Variants in RP1 observed in about 807,000 individuals in gnomAD.
The protein encoded by RP1 is oxygen-regulated protein 1.
A neutral mutation model predicts 14.8 loss-of-function variants in RP1; 16 were observed. The observed-to-expected ratio is 1.08, with a 90% confidence interval of 0.73 to 1.65. The LOEUF (loss-of-function observed/expected upper bound fraction) is 1.65, where lower values mean the gene tolerates loss of function less well. Ranked by LOEUF, RP1 falls within the 40% of genes most tolerant of loss-of-function variation. The pLI, the probability that RP1 is intolerant of heterozygous loss-of-function variation, is 0.00. For synonymous variants in RP1, 876 were observed against 883.6 expected, an observed-to-expected ratio of 0.99 and a Z score of 0.15; for missense variants, 2,631 against 2,535.0, an observed-to-expected ratio of 1.04 and a Z score of -0.81.
At chr8:54,710,584 AAGAATG>A (rs1434762654) in intron 15 of RP1, among the ~76,000 whole-genome samples, 3 of 152,328 alleles carry the variant, frequency 2.0e-5, no homozygotes, top group Middle Eastern at 6.8e-3. Flanking sequence ...ACCACCCAAG[AAGAATG>A]AGGTCACATG....
chr8:54,852,141 A>G (rs1812072822), intron 25 of RP1, among the ~76,000 whole-genome samples: 1 of 152,100 alleles, frequency 6.6e-6, no homozygotes, highest in South Asian at 2.1e-4. Context: ...CAAGAGGGCT[A>G]TTAAAAATCT....
At chr8:54,686,906 G>A (rs1807576786) in intron 12 of RP1, among the ~76,000 whole-genome samples, 2 of 152,048 alleles carry the variant, frequency 1.3e-5, no homozygotes, top group South Asian at 4.1e-4. Context: ...CTACTAAAAT[G>A]TTTTTAAATA....
At chr8:54,574,493 G>A (rs1273061397) in intron 1 of RP1, among the ~76,000 whole-genome samples, 1 of 151,974 alleles carries the variant, frequency 6.6e-6, no homozygotes, top group East Asian at 1.9e-4. Context: ...CCGAGCAGAG[G>A]GAATAATAAG....
intron 19 of RP1, among the ~76,000 whole-genome samples, chr8:54,740,990 T>G (rs1234616177): frequency 2.6e-5 from 4 of 151,116 alleles, no homozygotes; most frequent in Non-Finnish European, 1.5e-5. Flanking sequence ...GAGCTGAGAT[T>G]GCACCATTGC....
intron 24 of RP1, among the ~76,000 whole-genome samples, chr8:54,829,604 C>T (rs1468756525): frequency 6.6e-6 from 1 of 152,062 alleles, no homozygotes; most frequent in African/African-American, 2.4e-5. Context: ...TAAGGAGGCT[C>T]TCTGGATGTT....
intron 3 of RP1, among the ~76,000 whole-genome samples, chr8:54,639,403 A>T (rs901849247): frequency 6.6e-6 from 1 of 152,168 alleles, no homozygotes; most frequent in African/African-American, 2.4e-5. Flanking sequence ...TTCTTGCAGG[A>T]CATACTTTTT....
At chr8:54,700,252 G>A (rs1029146151) in intron 13 of RP1, among the ~76,000 whole-genome samples, 1 of 151,224 alleles carries the variant, frequency 6.6e-6, no homozygotes, top group Non-Finnish European at 1.5e-5. Flanking sequence ...CTGTTACCCA[G>A]GCTAGAGGGC....
At chr8:54,740,453 G>A (rs1233153511) in intron 19 of RP1, among the ~76,000 whole-genome samples, 1 of 150,394 alleles carries the variant, frequency 6.6e-6, no homozygotes, top group Non-Finnish European at 1.5e-5. Flanking sequence ...GCCAGGCGCA[G>A]TGGCTCACAC....
chr8:54,665,102 T>C (rs1806988860), intron 7 of RP1, among the ~76,000 whole-genome samples: 1 of 152,228 alleles, frequency 6.6e-6, no homozygotes, highest in South Asian at 2.1e-4. Context: ...GTTGAAATTC[T>C]CACTTGGTTC....
intron 27 of RP1, among the ~76,000 whole-genome samples, chr8:54,861,040 C>T (rs1207140724): frequency 2.0e-5 from 3 of 152,200 alleles, no homozygotes; most frequent in Non-Finnish European, 4.4e-5. Context: ...ATTACTATAA[C>T]ATGATTTTAA....
chr8:54,627,850 A>G lies in RP1; in HGVS notation c.3968A>G (p.Tyr1323Cys), dbSNP rs754606635. Residue 1323 changes from tyrosine to cysteine, a missense_variant, in exon 4 of 4, where the codon TAT becomes TGT. By Grantham distance (194) the Tyr-to-Cys change is radical (BLOSUM62 -2). Transcript: ENST00000220676. ...KACAQKENHTYEGACPIDETY... is the reference protein window; with the variant it reads ...KACAQKENHTCEGACPIDETY... ...TGTGCTCAAAAGGAGAACCATACCT[A>G]TGAGGGAGCTTGCCCAATTGATGAG... 6.8e-6 allele frequency: 11 copies of G among 1,614,168 alleles called. No individual in the cohort carries two copies. Among genetic ancestry groups the G allele is most frequent in the Non-Finnish European group, 8.5e-6 (10 of 1,179,988 alleles).
At chr8:54,674,029 T>C in intron 8 of RP1, 1 of 862,938 alleles carries the variant, frequency 1.2e-6, no homozygotes, top group Non-Finnish European at 1.8e-6. Context: ...TGGTAGAAAA[T>C]GGATCTCTAT....
At chr8:54,589,341 G>C (rs575247071) in intron 1 of RP1, among the ~76,000 whole-genome samples, 1 of 152,266 alleles carries the variant, frequency 6.6e-6, no homozygotes, top group Non-Finnish European at 1.5e-5. Flanking sequence ...GGGGGAGAGG[G>C]TAAAGCAAGG....
chr8:54,811,340 C>A (rs1386703474), intron 24 of RP1, among the ~76,000 whole-genome samples: 2 of 152,198 alleles, frequency 1.3e-5, no homozygotes, highest in African/African-American at 4.8e-5. Flanking sequence ...CCACCTTTAG[C>A]AAATTATCAA....
chr8:54,703,683 T>G (rs1374583940), intron 14 of RP1, among the ~76,000 whole-genome samples: 1 of 152,226 alleles, frequency 6.6e-6, no homozygotes, highest in Non-Finnish European at 1.5e-5. Flanking sequence ...TCTCTAGCTA[T>G]GAAAGTCATG....
At chr8:54,637,144 TA>T (rs1806365072) in intron 3 of RP1, among the ~76,000 whole-genome samples, 1 of 152,170 alleles carries the variant, frequency 6.6e-6, no homozygotes, top group Non-Finnish European at 1.5e-5. Flanking sequence ...GGTATCCTGC[TA>T]GGAACTTGTG....
At chr8:54,663,346 A>G (rs538617473) in intron 6 of RP1, among the ~76,000 whole-genome samples, 2 of 152,298 alleles carry the variant, frequency 1.3e-5, no homozygotes, top group African/African-American at 4.8e-5. Context: ...TGAAAAGGTG[A>G]AAGTTATTGA....
At chr8:54,680,974 CA>C (rs1378307903) in intron 12 of RP1, among the ~76,000 whole-genome samples, 3 of 144,840 alleles carry the variant, frequency 2.1e-5, no homozygotes, top group South Asian at 4.5e-4. Context: ...AAAAAAAAAA[CA>C]AAAAAGAAAA....
chr8:54,651,599 C>T (rs763205512), intron 4 of RP1, among the ~76,000 whole-genome samples: 56 of 152,204 alleles, frequency 3.7e-4, no homozygotes, highest in Middle Eastern at 3.4e-3. Context: ...TCTGTAAAGT[C>T]AATAGCAATG....
Sources: allele counts gnomAD v4.1 joint callset (sites outside exome capture counted in the v4.1 genomes callset), GRCh38; gene constraint gnomAD v4.1.1; transcripts MANE v1.5; gene names NCBI Gene and HGNC (gene_info 2026-07-23, HGNC 2026-07-21).